PREX2: variants seen among roughly 807,000 people sequenced by gnomAD.
The protein encoded by PREX2 is phosphatidylinositol 3,4,5-trisphosphate-dependent Rac exchanger 2 protein.
PREX2 carries 107 observed loss-of-function variants against 203.2 expected under a neutral mutation model. The ratio of observed to expected loss-of-function variants is 0.53; its 90% CI spans 0.45 to 0.62. PREX2 has a LOEUF of 0.62. Among genes scored for constraint, PREX2 ranks in the 20% least tolerant of loss-of-function variants. The pLI is 0.00. For synonymous variants in PREX2, 672 were observed against 663.6 expected (o/e 1.01, Z -0.19); for missense variants, 1,777 against 1,955.9 (o/e 0.91, Z 1.72).
chr8:68,087,660 G>T, intron 18 of PREX2, 64 bp from the exon 19 acceptor site: 2 of 1,143,702 alleles, frequency 1.7e-6, no homozygotes, highest in South Asian at 2.5e-5. Flanking sequence ...AGCTGTACAC[G>T]ACGATTATTT....
intron 1 of PREX2, among the ~76,000 whole-genome samples, chr8:68,015,110 A>T (rs1369880194): frequency 6.6e-6 from 1 of 152,232 alleles, no homozygotes; most frequent in African/African-American, 2.4e-5. Flanking sequence ...TTTTGTGACT[A>T]GGCTACTAAT....
At chr8:68,042,403 T>A (rs1563514315) in intron 7 of PREX2, among the ~76,000 whole-genome samples, 2 of 152,098 alleles carry the variant, frequency 1.3e-5, no homozygotes, top group African/African-American at 2.4e-5. Context: ...TAAAAAATAG[T>A]ATCATAGCGT....
intron 4 of PREX2, among the ~76,000 whole-genome samples, chr8:68,026,336 GAAAC>G (rs142671123): frequency 0.03 from 4,494 of 152,120 alleles, 207 homozygotes; most frequent in African/African-American, 0.1. Context: ...CAGTGAACCT[GAAAC>G]AGTATTTTAA....
intron 1 of PREX2, among the ~76,000 whole-genome samples, chr8:67,994,587 G>C (rs1806710562): frequency 1.3e-5 from 2 of 152,122 alleles, no homozygotes; most frequent in African/African-American, 2.4e-5. Flanking sequence ...ATTCATAAAA[G>C]AACAGTGGAG....
In PREX2 at chr8:68,177,854, C is replaced by T. The variant is rs936828433; in HGVS notation, c.4347-13868C>T. Among the ~76,000 whole-genome samples, 5 of 152,184 alleles carry T rather than the reference C, an allele frequency of 3.3e-5. No individual in the cohort carries two copies. The South Asian group carries it at 8.3e-4, about 25-fold the overall frequency. On this transcript the variant is annotated intron_variant, in intron 35 of 39. Coordinates refer to ENST00000288368, the MANE Select transcript of PREX2 (RefSeq NM_024870.4). ...ACCCCCTTGCTCTATGTGTTCTCAG[C>T]GTTTAGCTTCCACTTACAAGTGAGA...
intron 24 of PREX2, among the ~76,000 whole-genome samples, chr8:68,108,790 T>C (rs1810472053): frequency 6.6e-6 from 1 of 152,180 alleles, no homozygotes; most frequent in Admixed American, 6.5e-5. Flanking sequence ...CAGCATTTTA[T>C]TTTATGGAAT....
At chr8:68,096,742 T>C (rs1810088389) in intron 21 of PREX2, among the ~76,000 whole-genome samples, 1 of 152,220 alleles carries the variant, frequency 6.6e-6, no homozygotes, top group Admixed American at 6.5e-5. Flanking sequence ...TTTATACTGA[T>C]ATAAATAGGT....
intron 7 of PREX2, among the ~76,000 whole-genome samples, chr8:68,042,336 A>T (rs1808223449): frequency 6.6e-6 from 1 of 152,040 alleles, no homozygotes; most frequent in Non-Finnish European, 1.5e-5. Context: ...AAAAGTTATG[A>T]TGTAGTATTT....
At position 68,165,122 on chromosome 8, in the gene PREX2, G is replaced by T. The variant is rs142909860; in HGVS notation, c.4346+7686G>T. Among the ~76,000 whole-genome samples the T allele has an allele frequency of 3.6e-3, 543 of 151,730 alleles. 1 individual carries two copies. The highest frequency in any genetic ancestry group is 0.013 in the African/African-American group (521 of 41,342). On this transcript the variant is annotated intron_variant, in intron 35 of 39. Coordinates refer to ENST00000288368, the MANE Select transcript of PREX2 (RefSeq NM_024870.4). Reference sequence around the variant, plus strand: ...TCAAAGCAGCCTGTTTGAGCATTTAGAGGATTTTAACTTGATTCAGATGTA... The same window carrying T: ...TCAAAGCAGCCTGTTTGAGCATTTATAGGATTTTAACTTGATTCAGATGTA...
intron 14 of PREX2, among the ~76,000 whole-genome samples, chr8:68,073,956 T>C: frequency 6.6e-6 from 1 of 151,926 alleles, no homozygotes; most frequent in Admixed American, 6.6e-5. Context: ...ATTAAGGTGC[T>C]CAAAAACGGC....
chr8:68,204,311 T>C (rs369282011), intron 37 of PREX2, among the ~76,000 whole-genome samples: 3 of 152,318 alleles, frequency 2.0e-5, no homozygotes, highest in South Asian at 4.1e-4. Flanking sequence ...TGGGCTTGCA[T>C]AGAAAGTAAC....
intron 29 of PREX2, 60 bp downstream of exon 29, chr8:68,120,346 T>C (rs1182728979): frequency 2.6e-6 from 3 of 1,161,914 alleles, no homozygotes; most frequent in African/African-American, 3.0e-5. Context: ...GTAGACAATA[T>C]AGTCATGAAG....
intron 6 of PREX2, among the ~76,000 whole-genome samples, chr8:68,032,580 A>T (rs1202790965): frequency 6.6e-6 from 1 of 152,104 alleles, no homozygotes; most frequent in Admixed American, 6.6e-5. Flanking sequence ...CGAGGGGGGA[A>T]CTTGGTTTTC....
chr8:68,052,274 C>G (rs1808545834), intron 8 of PREX2, among the ~76,000 whole-genome samples: 1 of 152,128 alleles, frequency 6.6e-6, no homozygotes, highest in Admixed American at 6.6e-5. Flanking sequence ...GTTTTTCCAT[C>G]TTGGGATCTT....
chr8:68,127,418 A>T lies in PREX2; in HGVS notation c.3765A>T (p.Ser1255=). The T allele has an allele frequency of 6.2e-7, 1 of 1,605,182 alleles. No individual in the cohort carries two copies. Among genetic ancestry groups the T allele is most frequent in the Non-Finnish European group, 8.5e-7 (1 of 1,173,102 alleles). The part of the protein sequence containing the change: ...CRLLLALLEY[S]DSETQLRRDM... ...TACTCCTGGCTCTTCTTGAATATTC[A>T]GGTAACATTTTGCATTTTATTTTTT... Residue 1255 remains serine (S), a splice_region_variant and synonymous_variant, in exon 31 of 40, where the codon TCA becomes TCT. Coordinates refer to ENST00000288368, the MANE Select transcript of PREX2 (RefSeq NM_024870.4).
At chr8:68,171,348 C>T (rs372829070) in intron 35 of PREX2, among the ~76,000 whole-genome samples, 25 of 152,254 alleles carry the variant, frequency 1.6e-4, no homozygotes, top group East Asian at 1.5e-3. Flanking sequence ...AGAAGTGCTA[C>T]ACAAATACTA....
At chr8:68,023,175 A>G (rs572029358) in intron 4 of PREX2, among the ~76,000 whole-genome samples, 1 of 152,268 alleles carries the variant, frequency 6.6e-6, no homozygotes, top group South Asian at 2.1e-4. Flanking sequence ...GTGTTGTATG[A>G]TAAGCTCATA....
chr8:67,983,035 C>G (rs1806315435), intron 1 of PREX2, among the ~76,000 whole-genome samples: 1 of 152,144 alleles, frequency 6.6e-6, no homozygotes, highest in South Asian at 2.1e-4. Flanking sequence ...TAGTTTTTAT[C>G]TCTTTTTCCT....
intron 37 of PREX2, among the ~76,000 whole-genome samples, chr8:68,199,256 A>G (rs900310339): frequency 6.6e-6 from 1 of 152,216 alleles, no homozygotes; most frequent in Non-Finnish European, 1.5e-5. Context: ...TAAAACACAT[A>G]ATAGTGATGA....
Sources: allele counts gnomAD v4.1 joint callset (sites outside exome capture counted in the v4.1 genomes callset), GRCh38; gene constraint gnomAD v4.1.1; transcripts MANE v1.5; gene names NCBI Gene and HGNC (gene_info 2026-07-23, HGNC 2026-07-21).